Variants in CYTL1 observed in about 807,000 individuals in gnomAD.
The protein encoded by CYTL1 is cytokine-like protein 1.
CYTL1 carries 17 observed loss-of-function variants against 13.1 expected under a neutral mutation model. That is an observed-to-expected ratio of 1.29 (90% CI 0.89 to 1.94). CYTL1 has a LOEUF of 1.94. Ranked by LOEUF, CYTL1 falls within the 30% of genes most tolerant of loss-of-function variation. The pLI is 0.00. For missense variants in CYTL1, 213 were observed against 174.8 expected (o/e 1.22, Z -1.23); for synonymous variants, 91 against 79.4 (o/e 1.15, Z -0.78).
Position 5,015,207 on chromosome 4 carries a change from T to C in CYTL1, c.355A>G (p.Asn119Asp), listed in dbSNP as rs1741044101. 2 of 1,613,740 alleles carry C rather than the reference T, an allele frequency of 1.2e-6. No individual in the cohort carries two copies. Among genetic ancestry groups the C allele is most frequent in the Non-Finnish European group, 1.7e-6 (2 of 1,179,902 alleles). ...RDLVFLLDDC[N>D]ALEYPIPVTT... ...ACTGGGATTGGGTATTCCAAGGCAT[T>C]GCAGTCATCCAACAGGAATACCAAA... The change falls in exon 4 of 4, where the codon AAT becomes GAT. Residue 119 changes from asparagine (N) to aspartate (D), a missense_variant. Transcript: ENST00000307746.
chr4:5,014,717 T>C lies in CYTL1; in HGVS notation c.*434A>G, dbSNP rs1211447725. 2.2e-5 allele frequency: 4 copies of C among 177,794 alleles called. No individual in the cohort carries two copies. The highest frequency in any genetic ancestry group is 1.2e-5 in the Non-Finnish European group (1 of 86,230). The allele number at this position is 177,794 out of a possible 1,614,324, so 11.0% of individuals were successfully genotyped here. The stretch of plus-strand genomic sequence containing the variant: ...TTTAAATGAAAGACAGTGAAGAAAG[T>C]CTGTGTTAGAAAAAGGCATAATAGA... On this transcript the variant is annotated 3_prime_UTR_variant, in exon 4 of 4. Coordinates refer to ENST00000307746, the MANE Select transcript of CYTL1 (RefSeq NM_018659.3).
rs1280823519 is a variant in CYTL1, at chr4:5,016,948, T to C, written c.215A>G (p.Asp72Gly). The C allele has an allele frequency of 3.1e-6, 5 of 1,614,074 alleles. No homozygotes were observed. Among genetic ancestry groups the C allele is most frequent in the Non-Finnish European group, 3.4e-6 (4 of 1,180,042 alleles). The change falls in exon 3 of 4, where the codon GAC (aspartate) becomes GGC (glycine). Residue 72 changes from aspartate (D) to glycine (G), a missense_variant. By Grantham distance (94) the Asp-to-Gly change is moderately conservative. Coordinates refer to ENST00000307746, the MANE Select transcript of CYTL1 (RefSeq NM_018659.3). ...CGAGGCCACAAAGTCCCGCAGCTTG[T>C]CCAGCACACAGTAATTCTGGGAGTG... Reference protein sequence around the residue: ...YLDIHNYCVLDKLRDFVASPP... With the variant: ...YLDIHNYCVLGKLRDFVASPP...
chr4:5,019,272 C>T (rs761959244), intron 1 of CYTL1, 21 bp downstream of exon 1: 4 of 1,458,780 alleles, frequency 2.7e-6, no homozygotes, highest in Admixed American at 2.8e-5. Flanking sequence ...CACCCCTGTC[C>T]TGAGCGGGCG....
chr4:5,015,078 G>A lies in CYTL1; in HGVS notation c.*73C>T, dbSNP rs1741040340. ...TAACACAAGACCTGTGAGGGTCATG[G>A]CTCTGGCCCATTAAGTCTGGGTAGC... On this transcript the variant is annotated 3_prime_UTR_variant, in exon 4 of 4. Coordinates refer to ENST00000307746, the MANE Select transcript of CYTL1 (RefSeq NM_018659.3). The A allele has an allele frequency of 8.3e-7, 1 of 1,210,884 alleles. No individual in the cohort carries two copies. Among genetic ancestry groups the A allele is most frequent in the Non-Finnish European group, 1.2e-6 (1 of 818,340 alleles). The allele number at this position is 1,210,884 out of a possible 1,614,324, so 75.0% of individuals were successfully genotyped here.
At chr4:5,017,729 A>G (rs1242269834) in intron 1 of CYTL1, among the ~76,000 whole-genome samples, 1 of 152,012 alleles carries the variant, frequency 6.6e-6, no homozygotes, top group Non-Finnish European at 1.5e-5. Context: ...GATATATGTA[A>G]TAATACCTAT....
Position 5,016,859 on chromosome 4 carries a change from T to C in CYTL1, c.304A>G (p.Ile102Val), listed in dbSNP as rs564234971. The C allele has an allele frequency of 1.2e-6, 2 of 1,614,206 alleles. No individual in the cohort carries two copies. Among genetic ancestry groups the C allele is most frequent in the Non-Finnish European group, 1.7e-6 (2 of 1,180,042 alleles). ...ACTCTCCTGCAGAACGAGTTCATGA[T>C]GGTGTACAGCTTCCGTGCTTTGTCC... ...LKDKARKLYT[I>V]MNSFCRRDLV... The change falls in exon 3 of 4, where the codon ATC (isoleucine) becomes GTC (valine). Residue 102 changes from isoleucine to valine, a missense_variant. Transcript: ENST00000307746.
intron 1 of CYTL1, among the ~76,000 whole-genome samples, chr4:5,019,003 CTTTT>C (rs1186542271): frequency 6.7e-5 from 6 of 89,646 alleles, no homozygotes; most frequent in African/African-American, 1.7e-4. Flanking sequence ...TTTCTTTTTT[CTTTT>C]TTTTTTTTTT....
chr4:5,014,620 A>G lies in CYTL1; in HGVS notation c.*531T>C, dbSNP rs1214696720. The G allele has an allele frequency of 6.4e-6, 1 of 157,254 alleles. No individual in the cohort carries two copies. Among genetic ancestry groups the G allele is most frequent in the African/African-American group, 2.4e-5 (1 of 41,494 alleles). 9.7% of individuals were successfully genotyped at this position (157,254 alleles called of 1,614,324 possible). On this transcript the variant is annotated 3_prime_UTR_variant, in exon 4 of 4. Transcript: ENST00000307746. ...TGAAGAGATTCTTTATTTGATTTTC[A>G]TCACCTTTCAATGAAAGAGTGGGTC...
At position 5,019,284 on chromosome 4, in the gene CYTL1, G is replaced by T; in HGVS notation, c.153+9C>A. On this transcript the variant is annotated intron_variant, in intron 1 of 3. Coordinates refer to ENST00000307746, the MANE Select transcript of CYTL1 (RefSeq NM_018659.3). ...ATGCACCCCTGTCCTGAGCGGGCGG[G>T]GGACTCACCGAGGGCTCCGAGACCT... 1 of 1,478,040 alleles carries T rather than the reference G, an allele frequency of 6.8e-7. No individual in the cohort carries two copies. The highest frequency in any genetic ancestry group is 8.9e-7 in the Non-Finnish European group (1 of 1,117,480). The allele number at this position is 1,478,040 out of a possible 1,614,324, so 91.6% of individuals were successfully genotyped here. A position where few individuals can be genotyped will look rare whatever the true frequency, so the allele number is the denominator to read the frequency against.
Position 5,019,457 on chromosome 4 carries a change from C to T in CYTL1, c.-12G>A. 4.1e-6 allele frequency: 6 copies of T among 1,448,988 alleles called. No homozygotes were observed. The highest frequency in any genetic ancestry group is 5.4e-6 in the Non-Finnish European group (6 of 1,110,012). 89.8% of individuals were successfully genotyped at this position (1,448,988 alleles called of 1,614,324 possible). A position where few individuals can be genotyped will look rare whatever the true frequency, so the allele number is the denominator to read the frequency against. Reference sequence around the variant, plus strand: ...CCAGGCGTCCTCATGGTGCCAGGCGCTGGTGCAGCCTCGCCGACCGCCCCT... The same window carrying T: ...CCAGGCGTCCTCATGGTGCCAGGCGTTGGTGCAGCCTCGCCGACCGCCCCT... On this transcript the variant is annotated 5_prime_UTR_variant, in exon 1 of 4. Coordinates refer to ENST00000307746, the MANE Select transcript of CYTL1 (RefSeq NM_018659.3).
chr4:5,014,992 G>A lies in CYTL1; in HGVS notation c.*159C>T, dbSNP rs1279447206. On this transcript the variant is annotated 3_prime_UTR_variant, in exon 4 of 4. Coordinates refer to ENST00000307746, the MANE Select transcript of CYTL1 (RefSeq NM_018659.3). ...CTCTATGCTCAAAGGAGGTTCCTGG[G>A]TAGGAATACCAGCCCTGTTTTCCAG... 13 of 684,346 alleles carry A rather than the reference G, an allele frequency of 1.9e-5. No individual in the cohort carries two copies. Among genetic ancestry groups the A allele is most frequent in the Non-Finnish European group, 3.1e-5 (12 of 385,502 alleles). 42.4% of individuals were successfully genotyped at this position (684,346 alleles called of 1,614,324 possible). A position where few individuals can be genotyped will look rare whatever the true frequency, so the allele number is the denominator to read the frequency against.
chr4:5,015,645 C>A (rs1428531310), intron 3 of CYTL1, among the ~76,000 whole-genome samples: 1 of 152,142 alleles, frequency 6.6e-6, no homozygotes, highest in African/African-American at 2.4e-5. Context: ...CCTATCTTCC[C>A]CCACAAACCA....
rs773279143 is a variant in CYTL1, at chr4:5,019,352, G to T, written c.94C>A (p.Arg32=). The T allele has an allele frequency of 1.3e-6, 2 of 1,513,694 alleles. No individual in the cohort carries two copies. The highest frequency in any genetic ancestry group is 2.6e-5 in the South Asian group (2 of 77,510). 93.8% of individuals were successfully genotyped at this position (1,513,694 alleles called of 1,614,324 possible). The change falls in exon 1 of 4, where the codon CGG becomes AGG. Residue 32 remains arginine, a synonymous_variant. Coordinates refer to ENST00000307746, the MANE Select transcript of CYTL1 (RefSeq NM_018659.3). The part of the protein sequence containing the change: ...PTPPTCYSRM[R]ALSQEITRDF... ...CGGGTGATCTCCTGGCTCAGGGCCC[G>T]CATGCGGGAGTAGCAGGTCGGGGGA...
chr4:5,019,315 A>C lies in CYTL1; in HGVS notation c.131T>G (p.Leu44Arg). Residue 44 changes from leucine (L) to arginine (R), a missense_variant, in exon 1 of 4, where the codon CTC (leucine) becomes CGC (arginine). Leu to Arg is a moderately radical substitution (Grantham distance 102). Coordinates refer to ENST00000307746, the MANE Select transcript of CYTL1 (RefSeq NM_018659.3). ...CACCGAGGGCTCCGAGACCTGCAGG[A>C]GGTTGAAGTCGCGGGTGATCTCCTG... ...LSQEITRDFN[L>R]LQVSEPSEPC... 6.6e-7 allele frequency: 1 copy of C among 1,505,222 alleles called. No homozygotes were observed. The highest frequency in any genetic ancestry group is 8.8e-7 in the Non-Finnish European group (1 of 1,130,612). The allele number at this position is 1,505,222 out of a possible 1,614,324, so 93.2% of individuals were successfully genotyped here. A position where few individuals can be genotyped will look rare whatever the true frequency, so the allele number is the denominator to read the frequency against.
Position 5,015,175 on chromosome 4 carries a change from C to T in CYTL1, c.387G>A (p.Thr129=), listed in dbSNP as rs774618923. The change falls in exon 4 of 4, where the codon ACG becomes ACA. Residue 129 remains threonine, a synonymous_variant. Transcript: ENST00000307746. ...CTTAGCGCTGACGATCTGGCAGGACCGTAGTCACTGGGATTGGGTATTCCA... is the reference window on the plus strand; with the variant it reads ...CTTAGCGCTGACGATCTGGCAGGACTGTAGTCACTGGGATTGGGTATTCCA... ...NALEYPIPVT[T]VLPDRQR 3.2e-5 allele frequency: 51 copies of T among 1,613,808 alleles called. No homozygotes were observed. Among genetic ancestry groups the T allele is most frequent in the South Asian group, 8.8e-5 (8 of 91,000 alleles).
intron 2 of CYTL1, 60 bp downstream of exon 2, chr4:5,017,075 G>C: frequency 2.5e-6 from 4 of 1,607,448 alleles, no homozygotes; most frequent in Non-Finnish European, 3.4e-6. Flanking sequence ...GCCAGCAGCA[G>C]AGGTTCAGAC....
At chr4:5,015,480 C>T (rs1741053268) in intron 3 of CYTL1, among the ~76,000 whole-genome samples, 1 of 137,420 alleles carries the variant, frequency 7.3e-6, no homozygotes, top group Admixed American at 7.9e-5. Context: ...TTCACACATA[C>T]ATTGATTGAC....
intron 1 of CYTL1, among the ~76,000 whole-genome samples, chr4:5,018,292 A>G (rs1360766099): frequency 6.6e-6 from 1 of 152,168 alleles, no homozygotes; most frequent in Non-Finnish European, 1.5e-5. Flanking sequence ...CTACGGCAGC[A>G]GCTACCTCTA....
At chr4:5,018,733 C>T (rs1457616571) in intron 1 of CYTL1, among the ~76,000 whole-genome samples, 1 of 152,198 alleles carries the variant, frequency 6.6e-6, no homozygotes, top group Non-Finnish European at 1.5e-5. Flanking sequence ...TGTGTTCACA[C>T]CTGCCTTTGA....
Sources: allele counts gnomAD v4.1 joint callset (sites outside exome capture counted in the v4.1 genomes callset), GRCh38; gene constraint gnomAD v4.1.1; transcripts MANE v1.5; gene names NCBI Gene and HGNC (gene_info 2026-07-23, HGNC 2026-07-21).